The following CELF4 variants were observed in gnomAD, a reference collection of about 807,000 sequenced individuals.
CELF4 encodes CUGBP Elav-like family member 4, also known as CUG-BP- and ETR-3-like factor 4.
A neutral mutation model predicts 59.9 loss-of-function variants in CELF4; 18 were observed. That is an observed-to-expected ratio of 0.30 (90% CI 0.21 to 0.45). CELF4 has a LOEUF of 0.45. CELF4 is among the 20% of genes least tolerant of loss of function. The pLI is 1.00. For missense variants in CELF4, 456 were observed against 689.0 expected (o/e 0.66, Z 3.79); for synonymous variants, 261 against 267.1 (o/e 0.98, Z 0.22).
At chr18:37,523,427 G>A (rs531611077) in intron 1 of CELF4, among the ~76,000 whole-genome samples, 14 of 152,286 alleles carry the variant, frequency 9.2e-5, no homozygotes, top group African/African-American at 1.7e-4. Flanking sequence ...CCTGGTACCT[G>A]CCATGTGTCC....
At chr18:37,345,236 C>T (rs2098209724) in intron 2 of CELF4, among the ~76,000 whole-genome samples, 1 of 152,164 alleles carries the variant, frequency 6.6e-6, no homozygotes, top group South Asian at 2.1e-4. Flanking sequence ...GCCCATTCCC[C>T]AAAGAAGAAC....
At chr18:37,387,057 C>T (rs2099107018) in intron 2 of CELF4, among the ~76,000 whole-genome samples, 1 of 152,228 alleles carries the variant, frequency 6.6e-6, no homozygotes, top group Non-Finnish European at 1.5e-5. Context: ...GGAGGCGGCT[C>T]CCCAGCCCCG....
chr18:37,526,640 G>A (rs912115829), intron 1 of CELF4, among the ~76,000 whole-genome samples: 8 of 152,204 alleles, frequency 5.3e-5, no homozygotes, highest in Admixed American at 5.2e-4. Context: ...CTGCAGAGAA[G>A]CTCCTGTCAT....
intron 2 of CELF4, among the ~76,000 whole-genome samples, chr18:37,351,892 A>G (rs1433817223): frequency 6.6e-6 from 1 of 152,116 alleles, no homozygotes; most frequent in East Asian, 1.9e-4. Flanking sequence ...CTGGGATTAC[A>G]GGCGTGAGCC....
intron 2 of CELF4, among the ~76,000 whole-genome samples, chr18:37,331,076 G>A (rs999238403): frequency 1.3e-5 from 2 of 152,146 alleles, no homozygotes; most frequent in African/African-American, 4.8e-5. Context: ...GATGCTTGTT[G>A]GGTCAGGACA....
intron 2 of CELF4, among the ~76,000 whole-genome samples, chr18:37,426,892 C>T (rs1053228456): frequency 6.6e-6 from 1 of 151,712 alleles, no homozygotes; most frequent in Non-Finnish European, 1.5e-5. Context: ...GATTACTTGG[C>T]TCTCCCGAAA....
intron 2 of CELF4, among the ~76,000 whole-genome samples, chr18:37,326,672 C>A (rs2097326350): frequency 6.6e-6 from 1 of 152,198 alleles, no homozygotes; most frequent in African/African-American, 2.4e-5. Flanking sequence ...ACATCACAAA[C>A]CCTTGTGGAC....
chr18:37,337,621 C>T (rs1569566123), intron 2 of CELF4, among the ~76,000 whole-genome samples: 3 of 152,190 alleles, frequency 2.0e-5, no homozygotes. Flanking sequence ...GTGACTGAGG[C>T]TTCATCTCCA....
rs116847801 is a variant in CELF4 at position 37,345,694 on chromosome 18, C to T, written c.370-23813G>A. Among the ~76,000 whole-genome samples the T allele has an allele frequency of 1.4e-4, 21 of 152,176 alleles. No homozygotes were observed. In the East Asian group the frequency reaches 3.1e-3, roughly 22 times the overall value. ...AGGAAGCTGCTGGTTGGGAACCCCA[C>T]CTCAAGAACCTTTTGAGCAGGTGTC... is the stretch of plus-strand genomic sequence containing the variant. On this transcript the variant is annotated intron_variant, in intron 2 of 12. Transcript: ENST00000420428.
At chr18:37,496,183 C>T (rs2099925039) in intron 1 of CELF4, among the ~76,000 whole-genome samples, 2 of 152,226 alleles carry the variant, frequency 1.3e-5, no homozygotes, top group Admixed American at 6.5e-5. Flanking sequence ...TGCTGGGTCT[C>T]CTTCGAAAAT....
At chr18:37,275,309 C>G (rs2092922075) in intron 3 of CELF4, 66 bp from the exon 4 acceptor site, 6 of 1,271,486 alleles carry the variant, frequency 4.7e-6, no homozygotes, top group Non-Finnish European at 5.1e-6. Context: ...AGGGCAAGGC[C>G]GGAGGGGGAG....
chr18:37,472,754 C>T (rs574256950), intron 2 of CELF4, among the ~76,000 whole-genome samples: 1 of 152,088 alleles, frequency 6.6e-6, no homozygotes, highest in Non-Finnish European at 1.5e-5. Flanking sequence ...CCTCTAAGGC[C>T]TGAAGGTCTT....
At chr18:37,384,824 G>C (rs2099081085) in intron 2 of CELF4, among the ~76,000 whole-genome samples, 3 of 152,280 alleles carry the variant, frequency 2.0e-5, no homozygotes, top group South Asian at 2.1e-4. Flanking sequence ...TCTTGGACCA[G>C]GACCCATTCT....
intron 1 of CELF4, among the ~76,000 whole-genome samples, chr18:37,544,563 G>T (rs1284528189): frequency 6.6e-6 from 1 of 152,200 alleles, no homozygotes; most frequent in Non-Finnish European, 1.5e-5. Context: ...CACCAGAGGA[G>T]TTGGCTGGCC....
At chr18:37,267,584 T>A (rs1662908) in intron 8 of CELF4, among the ~76,000 whole-genome samples, 1 of 151,916 alleles carries the variant, frequency 6.6e-6, no homozygotes, top group Non-Finnish European at 1.5e-5. Context: ...GATAACACGA[T>A]GTGGCAGGAA....
In CELF4 at chr18:37,340,287, C is replaced by T. The variant is rs116131540; in HGVS notation, c.370-18406G>A. Among the ~76,000 whole-genome samples, 446 of 152,356 alleles carry T rather than the reference C, an allele frequency of 2.9e-3. 2 individuals are homozygous for T. The highest frequency in any genetic ancestry group is 0.01 in the African/African-American group (429 of 41,582). On this transcript the variant is annotated intron_variant, in intron 2 of 12. Transcript: ENST00000420428. ...GGTTAGTGGCTCTCCGAGCTCTCAG[C>T]CTTGTGCCTTTGCCAGCTGGGCTGG...
chr18:37,470,887 T>TGAGAGAGAGAGAGA (rs1557426553), intron 2 of CELF4, among the ~76,000 whole-genome samples: 4 of 71,928 alleles, frequency 5.6e-5, no homozygotes, highest in African/African-American at 2.2e-4. Context: ...TGTGTGTGTG[T>TGAGAGAGAGAGAGA]GACAGAGAGA....
chr18:37,346,186 C>T (rs1326371957), intron 2 of CELF4, among the ~76,000 whole-genome samples: 1 of 152,210 alleles, frequency 6.6e-6, no homozygotes, highest in African/African-American at 2.4e-5. Context: ...CTGCCCCCAC[C>T]TCCTCCAACT....
chr18:37,519,494 A>C (rs1433624134), intron 1 of CELF4, among the ~76,000 whole-genome samples: 1 of 152,162 alleles, frequency 6.6e-6, no homozygotes, highest in Non-Finnish European at 1.5e-5. Context: ...TCCTCCTATC[A>C]GCATTTTGCC....
Sources: gnomAD v4.1 joint callset for allele counts (sites outside exome capture counted in the v4.1 genomes callset) on GRCh38, gnomAD v4.1.1 for gene constraint, MANE v1.5 for transcripts, NCBI Gene and HGNC (gene_info 2026-07-23, HGNC 2026-07-21) for gene names.